MAP2: variants seen among roughly 807,000 people sequenced by gnomAD.
The protein encoded by MAP2 is microtubule associated protein 2.
In MAP2, 14 loss-of-function variants were observed where a neutral mutation model predicts 137.6. That is an observed-to-expected ratio of 0.10 (90% CI 0.07 to 0.16). The LOEUF (loss-of-function observed/expected upper bound fraction) is 0.16, where lower values mean the gene tolerates loss of function less well. Among genes scored for constraint, MAP2 ranks in the 10% least tolerant of loss-of-function variants. The probability of loss-of-function intolerance (pLI) is 1.00; values close to 1 mark genes in which losing one functional copy is unlikely to be tolerated. For synonymous variants in MAP2, 786 were observed against 782.3 expected, an observed-to-expected ratio of 1.00 and a Z score of -0.08; for missense variants, 2,088 against 2,191.5, an observed-to-expected ratio of 0.95 and a Z score of 0.94.
chr2:209,666,911 C>A (rs1198794922), intron 5 of MAP2, among the ~76,000 whole-genome samples: 1 of 151,864 alleles, frequency 6.6e-6, no homozygotes, highest in Non-Finnish European at 1.5e-5. Context: ...ATGCTTGAAT[C>A]TCCTGAGGCT....
In MAP2 at chr2:209,580,064, G is replaced by A. The variant is rs902251253; in HGVS notation, c.-143G>A. The A allele has an allele frequency of 6.6e-6, 1 of 151,524 alleles. No individual in the cohort carries two copies. Among genetic ancestry groups the A allele is most frequent in the Admixed American group, 6.6e-5 (1 of 15,230 alleles). The allele number at this position is 151,524 out of a possible 1,614,324, so 9.4% of individuals were successfully genotyped here. On this transcript the variant is annotated 5_prime_UTR_variant, in exon 3 of 16. Coordinates refer to ENST00000682079, the MANE Select transcript of MAP2 (RefSeq NM_001375505.1). ...CTTCAGCTTGTCTCTAACCGAGGAA[G>A]CATTGATTGGGAGCTACTCATTCAG...
intron 3 of MAP2, among the ~76,000 whole-genome samples, chr2:209,624,730 T>C (rs901069862): frequency 3.3e-5 from 5 of 152,316 alleles, no homozygotes; most frequent in Middle Eastern, 3.4e-3. Flanking sequence ...TATGATTGTC[T>C]GCTATTTATT....
intron 13 of MAP2, among the ~76,000 whole-genome samples, chr2:209,720,302 T>C (rs2069788875): frequency 6.6e-6 from 1 of 152,188 alleles, no homozygotes; most frequent in South Asian, 2.1e-4. Context: ...TGTCACACTC[T>C]TTCAAATTAC....
chr2:209,505,487 C>A (rs1399187970), intron 1 of MAP2, among the ~76,000 whole-genome samples: 1 of 152,044 alleles, frequency 6.6e-6, no homozygotes, highest in Non-Finnish European at 1.5e-5. Context: ...ATTCTTACTT[C>A]ATGTTGATTT....
intron 1 of MAP2, among the ~76,000 whole-genome samples, chr2:209,498,503 C>T (rs1253257433): frequency 6.6e-6 from 1 of 152,236 alleles, no homozygotes; most frequent in African/African-American, 2.4e-5. Context: ...AGGGTTCCAA[C>T]TTCACATTTC....
chr2:209,697,871 C>T (rs925903168), intron 10 of MAP2, among the ~76,000 whole-genome samples: 9 of 152,128 alleles, frequency 5.9e-5, no homozygotes, highest in East Asian at 5.8e-4. Flanking sequence ...TTTCCCAAGA[C>T]GGAATCTCGC....
chr2:209,656,886 C>G (rs1559495250), intron 5 of MAP2, among the ~76,000 whole-genome samples: 1 of 152,094 alleles, frequency 6.6e-6, no homozygotes, highest in Non-Finnish European at 1.5e-5. Context: ...GAATAGTGAA[C>G]ATTGTACTCA....
At chr2:209,660,980 G>C (rs779046243) in intron 5 of MAP2, among the ~76,000 whole-genome samples, 44 of 148,508 alleles carry the variant, frequency 3.0e-4, no homozygotes, top group Non-Finnish European at 6.5e-4. Flanking sequence ...TCCTGACCTC[G>C]TGATCCGCCC....
chr2:209,721,089 G>C (rs543999802), intron 13 of MAP2, among the ~76,000 whole-genome samples: 4 of 152,254 alleles, frequency 2.6e-5, no homozygotes, highest in Admixed American at 1.3e-4. Flanking sequence ...TGACCCTAGA[G>C]ATCTTTGGTG....
intron 3 of MAP2, among the ~76,000 whole-genome samples, chr2:209,608,399 C>T (rs971526998): frequency 1.3e-5 from 2 of 152,068 alleles, no homozygotes; most frequent in African/African-American, 4.8e-5. Context: ...AGTATCCTCC[C>T]ACCTCAGCCT....
At position 209,611,484 on chromosome 2, in the gene MAP2, T is replaced by A. The variant is rs191830383; in HGVS notation, c.-106-13569T>A. Reference sequence around the variant, plus strand: ...ACACTGAAAAAATATATATATAATATAATTTACAATTTAAAGATGAAGAAA... The same window carrying A: ...ACACTGAAAAAATATATATATAATAAAATTTACAATTTAAAGATGAAGAAA... On this transcript the variant is annotated intron_variant, in intron 3 of 15. Transcript: ENST00000682079. 6.6e-5 allele frequency among the ~76,000 whole-genome samples: 10 copies of A among 151,936 alleles called. No individual in the cohort carries two copies. In the East Asian group the frequency reaches 9.6e-4, roughly 15 times the overall value.
In MAP2 at chr2:209,524,026, A is replaced by T. The variant is rs79893373; in HGVS notation, c.-172+16385A>T. 7.0e-3 allele frequency among the ~76,000 whole-genome samples: 1,063 copies of T among 152,236 alleles called. 15 individuals carry two copies. Among genetic ancestry groups the T allele is most frequent in the African/African-American group, 0.024 (1,013 of 41,550 alleles). On this transcript the variant is annotated intron_variant, in intron 2 of 15. Transcript: ENST00000682079. Reference sequence around the variant, plus strand: ...CTTCCCCCATTTGCTAAATACTCAAAATTTATTTGAGCTTTTTTTTTTATT... The same window carrying T: ...CTTCCCCCATTTGCTAAATACTCAATATTTATTTGAGCTTTTTTTTTTATT...
intron 1 of MAP2, among the ~76,000 whole-genome samples, chr2:209,461,459 A>AT (rs1047385585): frequency 4.7e-4 from 70 of 147,514 alleles, no homozygotes; most frequent in South Asian, 4.3e-3. Context: ...AGTTTAATAG[A>AT]TTTTTTTTTT....
chr2:209,621,213 A>T (rs1032787937), intron 3 of MAP2, among the ~76,000 whole-genome samples: 1 of 151,234 alleles, frequency 6.6e-6, no homozygotes, highest in African/African-American at 2.4e-5. Context: ...AGACAGAAAG[A>T]CAGAAAGAAA....
Position 209,692,818 on chromosome 2 carries a change from G to A in MAP2, c.648G>A (p.Thr216=), listed in dbSNP as rs741007. ...TYPDKKDMQG[T]EEEKAPLALF... ...CTGATAAAAAGGACATGCAAGGCAC[G>A]GAAGAAGAAAAAGCACCCCTAGCTT... Residue 216 remains threonine (T), a synonymous_variant, in exon 8 of 16, where the codon ACG becomes ACA. Transcript: ENST00000682079. The A allele has an allele frequency of 0.13, 205,875 of 1,612,562 alleles. 20,984 individuals carry two copies. Among genetic ancestry groups the A allele is most frequent in the African/African-American group, 0.55 (40,866 of 74,748 alleles).
chr2:209,608,156 C>T (rs1391097897), intron 3 of MAP2, among the ~76,000 whole-genome samples: 1 of 152,190 alleles, frequency 6.6e-6, no homozygotes, highest in Non-Finnish European at 1.5e-5. Flanking sequence ...CTGTGCACCA[C>T]TGACTGTGAG....
rs1183715340 is a variant in MAP2 at position 209,660,425 on chromosome 2, G to A, written c.262+6993G>A. Among the ~76,000 whole-genome samples, 77 of 113,190 alleles carry A rather than the reference G, an allele frequency of 6.8e-4. 3 individuals carry two copies. The East Asian group carries it at 0.019, about 27-fold the overall frequency. 74.3% of individuals were successfully genotyped at this position (113,190 alleles called of 152,430 possible). A position where few individuals can be genotyped will look rare whatever the true frequency, so the allele number is the denominator to read the frequency against. On this transcript the variant is annotated intron_variant, in intron 5 of 15. Coordinates refer to ENST00000682079, the MANE Select transcript of MAP2 (RefSeq NM_001375505.1). ...TTTTTTTTTTTTGAGATGGAGTCTC[G>A]CTCTGTCGCCCAGGCTGGAGTGCAG...
intron 4 of MAP2, among the ~76,000 whole-genome samples, chr2:209,636,649 T>A (rs1280304857): frequency 6.6e-6 from 1 of 151,952 alleles, no homozygotes; most frequent in Non-Finnish European, 1.5e-5. Context: ...TGCACACTGA[T>A]ATATAATATC....
chr2:209,442,953 C>G (rs1441873911), intron 1 of MAP2, among the ~76,000 whole-genome samples: 1 of 151,450 alleles, frequency 6.6e-6, no homozygotes, highest in East Asian at 1.9e-4. Flanking sequence ...ATTTGATTTC[C>G]TTGCCTCCAA....
Sources: allele counts gnomAD v4.1 joint callset (sites outside exome capture counted in the v4.1 genomes callset), GRCh38; gene constraint gnomAD v4.1.1; transcripts MANE v1.5; gene names NCBI Gene and HGNC (gene_info 2026-07-23, HGNC 2026-07-21).